GSG1L: variants seen among roughly 807,000 people sequenced by gnomAD.
GSG1L encodes germ cell-specific gene 1-like protein.
A neutral mutation model predicts 42.1 loss-of-function variants in GSG1L; 24 were observed. That is an observed-to-expected ratio of 0.57 (90% CI 0.41 to 0.80). GSG1L has a LOEUF of 0.80. Among genes scored for constraint, GSG1L ranks in the 30% least tolerant of loss-of-function variants. GSG1L has a pLI of 0.00. For synonymous variants in GSG1L, 215 were observed against 203.5 expected, an observed-to-expected ratio of 1.06 and a Z score of -0.48; for missense variants, 445 against 472.2, an observed-to-expected ratio of 0.94 and a Z score of 0.53.
chr16:27,822,827 C>G (rs1596535394), intron 5 of GSG1L, among the ~76,000 whole-genome samples: 1 of 152,068 alleles, frequency 6.6e-6, no homozygotes, highest in Non-Finnish European at 1.5e-5. Context: ...GGAGTGTGCA[C>G]CGAAATGGGC....
At chr16:27,796,014 A>G (rs758930709) in intron 6 of GSG1L, among the ~76,000 whole-genome samples, 2 of 152,200 alleles carry the variant, frequency 1.3e-5, no homozygotes, top group Non-Finnish European at 2.9e-5. Context: ...AAATGTACAG[A>G]TCGGGAAACT....
At chr16:27,820,101 G>A (rs1331170023) in intron 5 of GSG1L, among the ~76,000 whole-genome samples, 1 of 152,138 alleles carries the variant, frequency 6.6e-6, no homozygotes, top group Non-Finnish European at 1.5e-5. Context: ...AGGGAGAGAT[G>A]GAAATAAGAC....
At chr16:27,818,128 C>T (rs1404199790) in intron 5 of GSG1L, among the ~76,000 whole-genome samples, 3 of 152,220 alleles carry the variant, frequency 2.0e-5, no homozygotes, top group Non-Finnish European at 4.4e-5. Flanking sequence ...GGGCTCAGCC[C>T]AGCCCAGGCT....
At chr16:27,933,648 C>A (rs373119039) in intron 2 of GSG1L, among the ~76,000 whole-genome samples, 3,046 of 94,464 alleles carry the variant, frequency 0.032, no homozygotes, top group Middle Eastern at 0.037. Context: ...GACTTTGTCA[C>A]AAAAAAAAAA....
At chr16:28,001,885 T>G (rs2085581821) in intron 1 of GSG1L, among the ~76,000 whole-genome samples, 1 of 152,106 alleles carries the variant, frequency 6.6e-6, no homozygotes, top group Non-Finnish European at 1.5e-5. Context: ...AACCTTCAAA[T>G]TATCATCTAC....
At chr16:27,939,624 A>C (rs1171308465) in intron 2 of GSG1L, among the ~76,000 whole-genome samples, 1 of 152,158 alleles carries the variant, frequency 6.6e-6, no homozygotes, top group Non-Finnish European at 1.5e-5. Flanking sequence ...TTAAGTTCAA[A>C]AGCCACGGTT....
chr16:27,948,588 G>C (rs866368943), intron 2 of GSG1L, among the ~76,000 whole-genome samples: 3 of 149,406 alleles, frequency 2.0e-5, no homozygotes, highest in South Asian at 4.3e-4. Flanking sequence ...TGGCCAGGCT[G>C]GTCTTGAACT....
chr16:27,868,769 G>A (rs566674878), intron 3 of GSG1L, among the ~76,000 whole-genome samples: 1 of 152,216 alleles, frequency 6.6e-6, no homozygotes, highest in South Asian at 2.1e-4. Flanking sequence ...GTTTCATGAG[G>A]GCCTGCAGCT....
intron 5 of GSG1L, among the ~76,000 whole-genome samples, chr16:27,819,004 C>T (rs1597471500): frequency 1.3e-5 from 2 of 152,264 alleles, no homozygotes; most frequent in East Asian, 3.9e-4. Flanking sequence ...AATCCCAGCA[C>T]TTTGGGAGGC....
intron 3 of GSG1L, among the ~76,000 whole-genome samples, chr16:27,850,266 TG>T (rs1189846946): frequency 1.3e-5 from 2 of 151,476 alleles, no homozygotes; most frequent in Non-Finnish European, 2.9e-5. Context: ...TGATCTCAGG[TG>T]ATCTGCCCAC....
chr16:27,796,366 A>G (rs1461386975), intron 6 of GSG1L, among the ~76,000 whole-genome samples: 1 of 152,206 alleles, frequency 6.6e-6, no homozygotes, highest in East Asian at 1.9e-4. Context: ...TCAGCTAGTG[A>G]CACTCTCATC....
At chr16:27,845,238 C>G (rs1260483417) in intron 3 of GSG1L, among the ~76,000 whole-genome samples, 177 bp from the exon 4 acceptor site, 1 of 152,162 alleles carries the variant, frequency 6.6e-6, no homozygotes, top group Non-Finnish European at 1.5e-5. Flanking sequence ...GAGGGTAGTT[C>G]TCTTTTCTTT....
chr16:27,878,013 T>C (rs1047046953), intron 3 of GSG1L, among the ~76,000 whole-genome samples: 3 of 151,976 alleles, frequency 2.0e-5, no homozygotes, highest in Admixed American at 6.6e-5. Flanking sequence ...TTAACACATG[T>C]GGCAGGCTTA....
intron 1 of GSG1L, among the ~76,000 whole-genome samples, chr16:28,038,370 G>GAC (rs1214467879): frequency 6.6e-6 from 1 of 152,162 alleles, no homozygotes; most frequent in African/African-American, 2.4e-5. Context: ...GAGGCTATGT[G>GAC]ACATTCCAGG....
At chr16:27,877,703 C>A (rs996899538) in intron 3 of GSG1L, among the ~76,000 whole-genome samples, 1 of 152,188 alleles carries the variant, frequency 6.6e-6, no homozygotes, top group African/African-American at 2.4e-5. Context: ...ACTGAATCAT[C>A]CAAACCCCAG....
intron 1 of GSG1L, among the ~76,000 whole-genome samples, chr16:27,967,802 A>G (rs1429381037): frequency 6.6e-6 from 1 of 152,198 alleles, no homozygotes; most frequent in African/African-American, 2.4e-5. Flanking sequence ...AATCCCAGCT[A>G]CTTGGGAGGC....
In GSG1L at chr16:27,914,750, C is replaced by T. The variant is rs574678833; in HGVS notation, c.398-30112G>A. On this transcript the variant is annotated intron_variant, in intron 2 of 6. Transcript: ENST00000447459. The stretch of plus-strand genomic sequence containing the variant: ...GAGCCTAGCATGTAAGTTGCATTCC[C>T]GATGCTAGAGCTATTATTTTTAGTA... Among the ~76,000 whole-genome samples, 5 of 152,080 alleles carry T rather than the reference C, an allele frequency of 3.3e-5. No individual in the cohort carries two copies. The South Asian group carries it at 8.3e-4, about 25-fold the overall frequency.
intron 3 of GSG1L, among the ~76,000 whole-genome samples, chr16:27,877,915 G>T (rs1002739589): frequency 2.0e-5 from 3 of 152,122 alleles, no homozygotes; most frequent in African/African-American, 7.2e-5. Flanking sequence ...AGACTCTAGG[G>T]TTCAACACGT....
In GSG1L at chr16:28,038,718, C is replaced by T. The variant is rs574111076; in HGVS notation, c.349+24358G>A. 2.1e-3 allele frequency among the ~76,000 whole-genome samples: 326 copies of T among 152,312 alleles called. 5 individuals are homozygous for T. Among genetic ancestry groups the T allele is most frequent in the South Asian group, 4.1e-3 (20 of 4,824 alleles). On this transcript the variant is annotated intron_variant, in intron 1 of 6. Coordinates refer to ENST00000447459, the MANE Select transcript of GSG1L (RefSeq NM_001109763.2). ...CTGCAGGGCCTTCCAACCTGCCCGC[C>T]CGCTTCTGAGAGCCTGCCTTTTTCA...
Sources: allele counts gnomAD v4.1 joint callset (sites outside exome capture counted in the v4.1 genomes callset), GRCh38; gene constraint gnomAD v4.1.1; transcripts MANE v1.5; gene names NCBI Gene and HGNC (gene_info 2026-07-23, HGNC 2026-07-21).